The following ATRNL1 variants were observed in gnomAD, a reference collection of about 807,000 sequenced individuals.
ATRNL1 encodes attractin like 1, also known as attractin-like protein 1.
A neutral mutation model predicts 182.7 loss-of-function variants in ATRNL1; 95 were observed. The ratio of observed to expected loss-of-function variants is 0.52; its 90% confidence interval spans 0.44 to 0.62. The LOEUF is 0.62. Among genes scored for constraint, ATRNL1 ranks in the 20% least tolerant of loss-of-function variants. The probability of loss-of-function intolerance (pLI) is 0.00; values close to 1 mark genes in which losing one functional copy is unlikely to be tolerated. For synonymous variants in ATRNL1, 576 were observed against 568.3 expected, an observed-to-expected ratio of 1.01 and a Z score of -0.19; for missense variants, 1,471 against 1,679.5, an observed-to-expected ratio of 0.88 and a Z score of 2.17.
intron 5 of ATRNL1, among the ~76,000 whole-genome samples, chr10:115,137,464 A>G (rs1029279313): frequency 6.6e-6 from 1 of 152,226 alleles, no homozygotes; most frequent in Non-Finnish European, 1.5e-5. Context: ...GACATACCCA[A>G]GACTGGGCAA....
intron 15 of ATRNL1, among the ~76,000 whole-genome samples, chr10:115,293,940 A>AC (rs1488054021): frequency 6.6e-6 from 1 of 152,072 alleles, no homozygotes; most frequent in Non-Finnish European, 1.5e-5. Flanking sequence ...ATTGTAGAGG[A>AC]CCTGTATAGG....
chr10:115,498,265 G>T (rs915398988), intron 24 of ATRNL1, among the ~76,000 whole-genome samples: 1 of 151,364 alleles, frequency 6.6e-6, no homozygotes, highest in Non-Finnish European at 1.5e-5. Flanking sequence ...AAATACCACA[G>T]GGTAGAAAAG....
At chr10:115,690,861 G>T (rs768336821) in intron 26 of ATRNL1, among the ~76,000 whole-genome samples, 3 of 152,138 alleles carry the variant, frequency 2.0e-5, no homozygotes, top group Non-Finnish European at 4.4e-5. Flanking sequence ...TAGCGTCAGG[G>T]TTTCTGTGGG....
intron 21 of ATRNL1, among the ~76,000 whole-genome samples, chr10:115,460,176 C>T (rs918536854): frequency 3.3e-5 from 5 of 152,140 alleles, no homozygotes; most frequent in Non-Finnish European, 7.4e-5. Flanking sequence ...TCTTGTCTAT[C>T]TACGAAGACA....
chr10:115,716,971 C>T lies in ATRNL1; in HGVS notation c.3796-10277C>T, dbSNP rs985619609. Among the ~76,000 whole-genome samples the T allele has an allele frequency of 3.9e-5, 6 of 152,122 alleles. No individual in the cohort carries two copies. The South Asian group carries it at 8.3e-4, about 21-fold the overall frequency. On this transcript the variant is annotated intron_variant, in intron 26 of 28. Coordinates refer to ENST00000355044, the MANE Select transcript of ATRNL1 (RefSeq NM_207303.4). ...TTCAAAATTTGAAATTAACCAGGTT[C>T]TCATTTTTGCTCTTTGAGGAGTAAT... is the stretch of plus-strand genomic sequence containing the variant.
chr10:115,753,060 A>G (rs1555070998), intron 27 of ATRNL1, among the ~76,000 whole-genome samples: 1 of 152,062 alleles, frequency 6.6e-6, no homozygotes, highest in Non-Finnish European at 1.5e-5. Context: ...CATCTAGAAG[A>G]TAGGAATAAT....
intron 28 of ATRNL1, among the ~76,000 whole-genome samples, chr10:115,887,882 A>G (rs1951987733): frequency 6.6e-6 from 1 of 151,902 alleles, no homozygotes; most frequent in African/African-American, 2.4e-5. Flanking sequence ...TGTTGCCTGG[A>G]TATTTTGCAG....
At chr10:115,672,165 G>A (rs1555041600) in intron 26 of ATRNL1, among the ~76,000 whole-genome samples, 1 of 152,008 alleles carries the variant, frequency 6.6e-6, no homozygotes, top group African/African-American at 2.4e-5. Flanking sequence ...TGCCCAGCCA[G>A]GAAATATTCT....
At chr10:115,556,910 A>G (rs1213926028) in intron 26 of ATRNL1, among the ~76,000 whole-genome samples, 1 of 151,242 alleles carries the variant, frequency 6.6e-6, no homozygotes, top group African/African-American at 2.4e-5. Context: ...GTGTATTTGC[A>G]TGCCATTCTA....
chr10:115,559,070 C>T (rs1216452062), intron 26 of ATRNL1, among the ~76,000 whole-genome samples: 1 of 152,034 alleles, frequency 6.6e-6, no homozygotes, highest in East Asian at 1.9e-4. Context: ...GCTTATAGGG[C>T]AGAAATTTCA....
intron 27 of ATRNL1, among the ~76,000 whole-genome samples, chr10:115,752,005 T>C (rs1948462107): frequency 6.6e-6 from 1 of 152,062 alleles, no homozygotes; most frequent in African/African-American, 2.4e-5. Flanking sequence ...TCTAGCCCTA[T>C]AAATGTATTA....
intron 26 of ATRNL1, among the ~76,000 whole-genome samples, chr10:115,683,800 A>C (rs1339517065): frequency 1.3e-5 from 2 of 151,872 alleles, no homozygotes; most frequent in Non-Finnish European, 1.5e-5. Flanking sequence ...GTATAAGCAA[A>C]TTGAAATTTA....
intron 17 of ATRNL1, among the ~76,000 whole-genome samples, chr10:115,313,863 TA>T (rs1292155878): frequency 1.3e-5 from 2 of 152,180 alleles, no homozygotes; most frequent in Admixed American, 6.5e-5. Flanking sequence ...CCAATATTAC[TA>T]ATTAGATATT....
At chr10:115,874,586 T>C (rs981500755) in intron 28 of ATRNL1, among the ~76,000 whole-genome samples, 1 of 152,210 alleles carries the variant, frequency 6.6e-6, no homozygotes, top group African/African-American at 2.4e-5. Flanking sequence ...TTCAGGCAGA[T>C]AATAGATAAT....
At chr10:115,443,415 T>G (rs1846796604) in intron 21 of ATRNL1, among the ~76,000 whole-genome samples, 1 of 152,090 alleles carries the variant, frequency 6.6e-6, no homozygotes, top group Non-Finnish European at 1.5e-5. Flanking sequence ...TGTTTTCTAA[T>G]CTGTACATTT....
intron 27 of ATRNL1, among the ~76,000 whole-genome samples, chr10:115,808,578 A>G (rs1384158959): frequency 6.6e-6 from 1 of 152,138 alleles, no homozygotes; most frequent in Non-Finnish European, 1.5e-5. Context: ...GGCTAGGTAT[A>G]TGTGCAACTT....
At chr10:115,144,715 T>C (rs1474940888) in intron 5 of ATRNL1, among the ~76,000 whole-genome samples, 1 of 152,240 alleles carries the variant, frequency 6.6e-6, no homozygotes, top group Non-Finnish European at 1.5e-5. Flanking sequence ...AATTTCATTA[T>C]TTATACAAAG....
chr10:115,217,074 C>CTGTTT (rs1849263060), intron 9 of ATRNL1, among the ~76,000 whole-genome samples: 1 of 151,782 alleles, frequency 6.6e-6, no homozygotes, highest in African/African-American at 2.4e-5. Context: ...ACATTTTAAA[C>CTGTTT]ATGTATTTAA....
chr10:115,895,701 G>T (rs1555112349), intron 28 of ATRNL1, among the ~76,000 whole-genome samples: 1 of 152,172 alleles, frequency 6.6e-6, no homozygotes, highest in Non-Finnish European at 1.5e-5. Context: ...AATGTCTTGT[G>T]AAGAAGACAG....
Sources: gnomAD v4.1 joint callset for allele counts (sites outside exome capture counted in the v4.1 genomes callset) on GRCh38, gnomAD v4.1.1 for gene constraint, MANE v1.5 for transcripts, NCBI Gene and HGNC (gene_info 2026-07-23, HGNC 2026-07-21) for gene names.